The following SPTLC1 variants were observed in gnomAD, a reference collection of about 807,000 sequenced individuals.
The protein encoded by SPTLC1 is serine palmitoyltransferase 1.
In SPTLC1, 55 loss-of-function variants were observed where a neutral mutation model predicts 68.9. That is an observed-to-expected ratio of 0.80 (90% CI 0.64 to 1.00). SPTLC1 has a LOEUF of 1.00. Ranked by LOEUF, SPTLC1 falls within the 50% of genes least tolerant of loss-of-function variation. SPTLC1 has a pLI of 0.00. For synonymous variants in SPTLC1, 197 were observed against 201.6 expected (o/e 0.98, Z 0.19); for missense variants, 449 against 573.1 (o/e 0.78, Z 2.21).
At chr9:92,041,147 T>C (rs955116529) in intron 12 of SPTLC1, among the ~76,000 whole-genome samples, 6 of 152,114 alleles carry the variant, frequency 3.9e-5, no homozygotes. Context: ...ACTATCTCTA[T>C]TACAATGAAA....
chr9:92,059,755 A>T (rs1222427276), intron 6 of SPTLC1, among the ~76,000 whole-genome samples: 2 of 152,202 alleles, frequency 1.3e-5, no homozygotes, highest in Admixed American at 1.3e-4. Context: ...ATTCTACTGT[A>T]GCCAAACACC....
intron 3 of SPTLC1, among the ~76,000 whole-genome samples, chr9:92,086,412 T>G (rs1835135279): frequency 6.6e-6 from 1 of 152,236 alleles, no homozygotes; most frequent in South Asian, 2.1e-4. Flanking sequence ...AATGCTTCCT[T>G]CAGGAGCTCT....
chr9:92,100,188 G>C (rs1244417918), intron 3 of SPTLC1, among the ~76,000 whole-genome samples: 1 of 152,110 alleles, frequency 6.6e-6, no homozygotes, highest in Non-Finnish European at 1.5e-5. Flanking sequence ...GCCGAGGCGG[G>C]CAGATCACCA....
chr9:92,103,215 A>G (rs1344171144), intron 3 of SPTLC1, among the ~76,000 whole-genome samples: 1 of 152,224 alleles, frequency 6.6e-6, no homozygotes. Flanking sequence ...CAGACGAGAA[A>G]GAACATCTGG....
chr9:92,052,384 A>C (rs1833729149), intron 8 of SPTLC1, among the ~76,000 whole-genome samples: 1 of 152,216 alleles, frequency 6.6e-6, no homozygotes, highest in Admixed American at 6.5e-5. Flanking sequence ...CTTGTGAAAG[A>C]ATAAAATTGG....
At chr9:92,101,289 G>T (rs7866630) in intron 3 of SPTLC1, among the ~76,000 whole-genome samples, 2 of 151,920 alleles carry the variant, frequency 1.3e-5, no homozygotes, top group Non-Finnish European at 2.9e-5. Flanking sequence ...CAGGCCAGGC[G>T]TGGTGGCTCA....
intron 12 of SPTLC1, among the ~76,000 whole-genome samples, chr9:92,040,628 C>T (rs963923879): frequency 3.3e-5 from 5 of 151,246 alleles, no homozygotes; most frequent in East Asian, 2.0e-4. Flanking sequence ...TGTGGTGGCA[C>T]GTGCCTGTAA....
rs1214544674 is a variant in SPTLC1 at position 92,112,371 on chromosome 9, T to C, written c.165+84A>G. ...ACAGAAAATGCTTTAACACACATGG[T>C]TGAGCCACCACAAATCCTTTCTGGA... On this transcript the variant is annotated intron_variant, in intron 2 of 14. Transcript: ENST00000262554. 8.1e-6 allele frequency: 8 copies of C among 992,478 alleles called. No individual in the cohort carries two copies. The East Asian group carries it at 1.7e-4, about 21-fold the overall frequency. 61.5% of individuals were successfully genotyped at this position (992,478 alleles called of 1,614,324 possible). A position where few individuals can be genotyped will look rare whatever the true frequency, so the allele number is the denominator to read the frequency against.
intron 3 of SPTLC1, among the ~76,000 whole-genome samples, chr9:92,106,037 C>T (rs1192967157): frequency 2.0e-5 from 3 of 146,992 alleles, no homozygotes; most frequent in Non-Finnish European, 3.0e-5. Flanking sequence ...CACCTCTGCC[C>T]GGCCCCCTCA....
At chr9:92,037,030 T>C (rs1434691613) in intron 13 of SPTLC1, among the ~76,000 whole-genome samples, 1 of 152,262 alleles carries the variant, frequency 6.6e-6, no homozygotes, top group Non-Finnish European at 1.5e-5. Flanking sequence ...TTATTTATTT[T>C]TTAATGTAAT....
At chr9:92,069,904 C>T (rs1834421195) in intron 5 of SPTLC1, among the ~76,000 whole-genome samples, 1 of 152,124 alleles carries the variant, frequency 6.6e-6, no homozygotes, top group Non-Finnish European at 1.5e-5. Flanking sequence ...GATTTTAAAT[C>T]ATTCTGTAGA....
chr9:92,112,775 C>G (rs1308412930), intron 1 of SPTLC1, among the ~76,000 whole-genome samples: 1 of 152,136 alleles, frequency 6.6e-6, no homozygotes, highest in Non-Finnish European at 1.5e-5. Context: ...ATATTTTTAG[C>G]TTTTAAAACT....
At chr9:92,054,393 T>C (rs187717404) in intron 8 of SPTLC1, among the ~76,000 whole-genome samples, 29 of 152,362 alleles carry the variant, frequency 1.9e-4, no homozygotes, top group African/African-American at 5.5e-4. Context: ...TTAATGGCTG[T>C]CTGGGGCCAA....
intron 12 of SPTLC1, chr9:92,038,571 G>C (rs1452271203): frequency 3.4e-6 from 2 of 596,186 alleles, no homozygotes; most frequent in Non-Finnish European, 6.1e-6. Context: ...AAGTCTGCCT[G>C]CAATGTGGCT....
chr9:92,081,324 A>G (rs1228135484), intron 3 of SPTLC1, among the ~76,000 whole-genome samples: 1 of 152,230 alleles, frequency 6.6e-6, no homozygotes, highest in Non-Finnish European at 1.5e-5. Flanking sequence ...CAGGAAGAAA[A>G]TATAAAATAA....
chr9:92,072,917 G>A (rs1008648242), intron 5 of SPTLC1, among the ~76,000 whole-genome samples: 1 of 151,752 alleles, frequency 6.6e-6, no homozygotes. Context: ...TGGGGATGCT[G>A]ACTCCTCTTT....
chr9:92,050,264 G>A (rs1833662098), intron 8 of SPTLC1, 197 bp from the exon 9 acceptor site: 1 of 548,322 alleles, frequency 1.8e-6, no homozygotes, highest in Non-Finnish European at 3.3e-6. Context: ...ACGGATATGT[G>A]CATGTGCAGA....
At chr9:92,080,138 C>A in intron 4 of SPTLC1, 50 bp from the exon 5 acceptor site, 3 of 1,456,464 alleles carry the variant, frequency 2.1e-6, no homozygotes, top group South Asian at 2.3e-5. Context: ...TTTAAGAGTT[C>A]AAAACAAACA....
At chr9:92,073,665 G>C (rs150217732) in intron 5 of SPTLC1, among the ~76,000 whole-genome samples, 94 of 152,258 alleles carry the variant, frequency 6.2e-4, no homozygotes, top group Non-Finnish European at 9.4e-4. Context: ...CCTAATATTA[G>C]AAAGAAACTT....
Sources: allele counts gnomAD v4.1 joint callset (sites outside exome capture counted in the v4.1 genomes callset), GRCh38; gene constraint gnomAD v4.1.1; transcripts MANE v1.5; gene names NCBI Gene and HGNC (gene_info 2026-07-23, HGNC 2026-07-21).